Variants in CNTNAP2 observed in about 807,000 individuals in gnomAD.
CNTNAP2 encodes contactin associated protein 2.
CNTNAP2 carries 98 observed loss-of-function variants against 155.2 expected under a neutral mutation model. The observed-to-expected ratio is 0.63, with a 90% confidence interval of 0.54 to 0.75. CNTNAP2 has a LOEUF of 0.75. Among genes scored for constraint, CNTNAP2 ranks in the 30% least tolerant of loss-of-function variants. The pLI, the probability that CNTNAP2 is intolerant of heterozygous loss-of-function variation, is 0.00. For synonymous variants in CNTNAP2, 651 were observed against 631.2 expected (o/e 1.03, Z -0.47); for missense variants, 1,727 against 1,688.1 (o/e 1.02, Z -0.40).
chr7:147,242,737 C>A (rs1229258758), intron 8 of CNTNAP2, among the ~76,000 whole-genome samples: 1 of 152,054 alleles, frequency 6.6e-6, no homozygotes, highest in East Asian at 1.9e-4. Flanking sequence ...AAAAATAAGG[C>A]TGCTAACTAG....
intron 14 of CNTNAP2, among the ~76,000 whole-genome samples, chr7:147,910,475 G>A (rs971348598): frequency 1.3e-5 from 2 of 152,120 alleles, no homozygotes; most frequent in Non-Finnish European, 2.9e-5. Flanking sequence ...TCAAACTCGG[G>A]GCAAGCAACT....
At chr7:147,489,766 C>A (rs1798573075) in intron 11 of CNTNAP2, among the ~76,000 whole-genome samples, 1 of 152,108 alleles carries the variant, frequency 6.6e-6, no homozygotes, top group African/African-American at 2.4e-5. Flanking sequence ...CAGGCACGTG[C>A]CACCATGCCC....
chr7:147,818,941 G>A (rs949654774), intron 13 of CNTNAP2, among the ~76,000 whole-genome samples: 1 of 152,136 alleles, frequency 6.6e-6, no homozygotes, highest in Non-Finnish European at 1.5e-5. Flanking sequence ...TAAATTCCAT[G>A]AATGTTAAGT....
chr7:148,005,806 A>G (rs1472636710), intron 15 of CNTNAP2, among the ~76,000 whole-genome samples: 5 of 152,218 alleles, frequency 3.3e-5, no homozygotes. Flanking sequence ...TCAGTGGTCC[A>G]GCACGATTTG....
At chr7:147,403,467 G>A (rs1414667461) in intron 10 of CNTNAP2, among the ~76,000 whole-genome samples, 1 of 152,088 alleles carries the variant, frequency 6.6e-6, no homozygotes, top group Non-Finnish European at 1.5e-5. Context: ...TTGGCTTAGG[G>A]TTGAGATTTA....
At chr7:146,304,677 A>T (rs184916252) in intron 1 of CNTNAP2, among the ~76,000 whole-genome samples, 1 of 152,198 alleles carries the variant, frequency 6.6e-6, no homozygotes, top group African/African-American at 2.4e-5. Context: ...GGGTAACCTG[A>T]CCTTTCTCTC....
chr7:147,946,171 T>C (rs1438261496), intron 14 of CNTNAP2, among the ~76,000 whole-genome samples: 1 of 152,174 alleles, frequency 6.6e-6, no homozygotes, highest in African/African-American at 2.4e-5. Context: ...TGACTTCTTC[T>C]AAGGAAGGCC....
intron 18 of CNTNAP2, among the ~76,000 whole-genome samples, chr7:148,180,990 T>A (rs1795028987): frequency 6.6e-6 from 1 of 152,230 alleles, no homozygotes; most frequent in Non-Finnish European, 1.5e-5. Flanking sequence ...AAGGTGGTAG[T>A]GTCTATCTAT....
chr7:147,122,226 G>A (rs1465112518), intron 6 of CNTNAP2: 2 of 151,982 alleles, frequency 1.3e-5, no homozygotes, highest in African/African-American at 2.4e-5. Flanking sequence ...TACATCCTAG[G>A]AGAAAAGGAT....
chr7:146,387,197 G>A (rs779167558), intron 1 of CNTNAP2, among the ~76,000 whole-genome samples: 12 of 152,198 alleles, frequency 7.9e-5, no homozygotes, highest in Non-Finnish European at 1.6e-4. Flanking sequence ...TACTTTCCAA[G>A]TGAGGTCTGG....
intron 1 of CNTNAP2, among the ~76,000 whole-genome samples, chr7:146,671,363 A>G (rs2129168110): frequency 6.7e-6 from 1 of 150,370 alleles, no homozygotes; most frequent in South Asian, 2.1e-4. Flanking sequence ...CCTTTAAACT[A>G]TTTCTCTCTA....
chr7:147,323,245 G>A (rs1795386528), intron 9 of CNTNAP2, among the ~76,000 whole-genome samples: 1 of 98,818 alleles, frequency 1.0e-5, no homozygotes, highest in African/African-American at 4.5e-5. Context: ...ACACTGCTTT[G>A]AATGCGTCCC....
chr7:148,281,665 C>T (rs1796975204), intron 21 of CNTNAP2, among the ~76,000 whole-genome samples: 1 of 152,100 alleles, frequency 6.6e-6, no homozygotes, highest in Non-Finnish European at 1.5e-5. Context: ...ATTGCATTGA[C>T]TTTCATTCTT....
chr7:146,578,601 A>G (rs1358437463), intron 1 of CNTNAP2, among the ~76,000 whole-genome samples: 1 of 152,132 alleles, frequency 6.6e-6, no homozygotes, highest in African/African-American at 2.4e-5. Flanking sequence ...ATTTTCTTGA[A>G]TAATTACTAT....
chr7:147,841,017 T>C (rs1271318170), intron 13 of CNTNAP2, among the ~76,000 whole-genome samples: 1 of 152,196 alleles, frequency 6.6e-6, no homozygotes, highest in Non-Finnish European at 1.5e-5. Flanking sequence ...CAAATTCAAT[T>C]AGGCCTTCAG....
chr7:148,142,556 A>G (rs957778046), intron 16 of CNTNAP2, among the ~76,000 whole-genome samples: 3 of 152,168 alleles, frequency 2.0e-5, no homozygotes, highest in African/African-American at 4.8e-5. Context: ...CTTATTTTAG[A>G]ATGGAAAAAA....
intron 10 of CNTNAP2, among the ~76,000 whole-genome samples, chr7:147,478,835 G>C (rs1798368414): frequency 6.6e-6 from 1 of 152,148 alleles, no homozygotes. Flanking sequence ...CTATAGAAGA[G>C]GACTGTAAAT....
chr7:147,273,371 A>AT (rs2116709193), intron 8 of CNTNAP2, among the ~76,000 whole-genome samples: 1 of 152,190 alleles, frequency 6.6e-6, no homozygotes, highest in Non-Finnish European at 1.5e-5. Flanking sequence ...TATTATTTTT[A>AT]TTTTAGATTC....
chr7:147,281,524 A>G (rs1805033661), intron 8 of CNTNAP2, among the ~76,000 whole-genome samples: 1 of 151,760 alleles, frequency 6.6e-6, no homozygotes. Context: ...AGGCTGATTT[A>G]GTTCATAACT....
Sources: allele counts gnomAD v4.1 joint callset (sites outside exome capture counted in the v4.1 genomes callset), GRCh38; gene constraint gnomAD v4.1.1; transcripts MANE v1.5; gene names NCBI Gene and HGNC (gene_info 2026-07-23, HGNC 2026-07-21).